The following ADAMTS9 variants were observed in gnomAD, a reference collection of about 807,000 sequenced individuals.
The protein encoded by ADAMTS9 is A disintegrin and metalloproteinase with thrombospondin motifs 9.
In ADAMTS9, 107 loss-of-function variants were observed where a neutral mutation model predicts 257.1. That is an observed-to-expected ratio of 0.42 (90% CI 0.36 to 0.49). The LOEUF (loss-of-function observed/expected upper bound fraction) is 0.49. Among genes scored for constraint, ADAMTS9 ranks in the 20% least tolerant of loss-of-function variants. ADAMTS9 has a pLI of 0.03. For synonymous variants in ADAMTS9, 982 were observed against 880.9 expected, an observed-to-expected ratio of 1.11 and a Z score of -2.03; for missense variants, 2,353 against 2,469.1, an observed-to-expected ratio of 0.95 and a Z score of 1.00.
At position 64,611,152 on chromosome 3, in the gene ADAMTS9, T is replaced by C. The variant is rs192611990; in HGVS notation, c.3354+2193A>G. ...CAGCAACTCCAATCCTAGATACACATCCAAAAGAAGTGAAGCCAGGTACTG... is the reference window on the plus strand; with the variant it reads ...CAGCAACTCCAATCCTAGATACACACCCAAAAGAAGTGAAGCCAGGTACTG... On this transcript the variant is annotated intron_variant, in intron 22 of 39. Coordinates refer to ENST00000498707, the MANE Select transcript of ADAMTS9 (RefSeq NM_182920.2). Among the ~76,000 whole-genome samples the C allele has an allele frequency of 5.6e-4, 80 of 143,494 alleles. No homozygotes were observed. In the Middle Eastern group the frequency reaches 0.015, roughly 27 times the overall value. 94.1% of individuals were successfully genotyped at this position (143,494 alleles called of 152,430 possible).
At chr3:64,518,156 G>C (rs2082804134) in intron 39 of ADAMTS9, among the ~76,000 whole-genome samples, 1 of 152,194 alleles carries the variant, frequency 6.6e-6, no homozygotes, top group African/African-American at 2.4e-5. Flanking sequence ...ACATTTAAGA[G>C]GCAATCATTG....
At chr3:64,628,449 G>A (rs2106882135) in intron 16 of ADAMTS9, among the ~76,000 whole-genome samples, 1 of 152,302 alleles carries the variant, frequency 6.6e-6, no homozygotes, top group South Asian at 2.1e-4. Context: ...TATAAAGCAG[G>A]CTGCATGCAA....
chr3:64,631,609 T>C, intron 15 of ADAMTS9, 59 bp from the exon 16 acceptor site: 7 of 1,456,046 alleles, frequency 4.8e-6, no homozygotes, highest in Non-Finnish European at 3.9e-6. Context: ...TCTCTAAGTA[T>C]GGAATAAAAA....
At chr3:64,525,066 C>A (rs975899430) in intron 38 of ADAMTS9, among the ~76,000 whole-genome samples, 2 of 152,212 alleles carry the variant, frequency 1.3e-5, no homozygotes, top group African/African-American at 4.8e-5. Flanking sequence ...GTAATTCTTT[C>A]TTTAACATCT....
At chr3:64,670,132 C>T (rs1353423129) in intron 3 of ADAMTS9, among the ~76,000 whole-genome samples, 1 of 84,578 alleles carries the variant, frequency 1.2e-5, no homozygotes, top group African/African-American at 6.8e-5. Context: ...ACCTCTGTCT[C>T]TGTCTCAGTC....
At chr3:64,626,532 G>C (rs775676763) in intron 16 of ADAMTS9, among the ~76,000 whole-genome samples, 7 of 152,158 alleles carry the variant, frequency 4.6e-5, no homozygotes, top group Non-Finnish European at 8.8e-5. Flanking sequence ...ACATTGGAGA[G>C]TACCAAAGGT....
At chr3:64,563,563 C>G (rs1408578850) in intron 29 of ADAMTS9, among the ~76,000 whole-genome samples, 1 of 152,080 alleles carries the variant, frequency 6.6e-6, no homozygotes, top group African/African-American at 2.4e-5. Context: ...CTTTTTGAAG[C>G]TATTGTAATT....
rs78186110 is a variant in ADAMTS9 at position 64,612,999 on chromosome 3, G to A, written c.3354+346C>T. The stretch of plus-strand genomic sequence containing the variant: ...CCTTCCTGCCAGAGACTCTGGTGCT[G>A]GATCACCTTCTGTAACAGACCCACA... On this transcript the variant is annotated intron_variant, in intron 22 of 39. Transcript: ENST00000498707. Among the ~76,000 whole-genome samples the A allele has an allele frequency of 1.6e-4, 24 of 152,220 alleles. No individual in the cohort carries two copies. The East Asian group carries it at 4.6e-3, about 29-fold the overall frequency.
intron 37 of ADAMTS9, among the ~76,000 whole-genome samples, chr3:64,534,520 C>A (rs1352974827): frequency 6.6e-6 from 1 of 152,210 alleles, no homozygotes; most frequent in Non-Finnish European, 1.5e-5. Flanking sequence ...TAACATACGA[C>A]TAGCCACTTA....
At chr3:64,657,842 A>C (rs1157822798) in intron 4 of ADAMTS9, among the ~76,000 whole-genome samples, 1 of 152,192 alleles carries the variant, frequency 6.6e-6, no homozygotes, top group Non-Finnish European at 1.5e-5. Context: ...AATGATACTT[A>C]GTTTTTAACA....
intron 38 of ADAMTS9, among the ~76,000 whole-genome samples, chr3:64,532,380 C>T (rs1162349441): frequency 2.0e-5 from 3 of 152,176 alleles, no homozygotes; most frequent in Non-Finnish European, 4.4e-5. Flanking sequence ...TGATTGAATA[C>T]TGTACTTAGT....
chr3:64,565,155 T>C (rs963157194), intron 29 of ADAMTS9, among the ~76,000 whole-genome samples: 11 of 152,220 alleles, frequency 7.2e-5, no homozygotes, highest in Middle Eastern at 3.2e-3. Flanking sequence ...ACCATGTGCA[T>C]ATGGCTTCCT....
At chr3:64,540,196 C>T (rs769778720) in intron 36 of ADAMTS9, among the ~76,000 whole-genome samples, 8 of 152,204 alleles carry the variant, frequency 5.3e-5, no homozygotes, top group Non-Finnish European at 8.8e-5. Flanking sequence ...ACTGCAGACC[C>T]TCTGCCTTTA....
chr3:64,529,166 A>G lies in ADAMTS9; in HGVS notation c.5718+4000T>C, dbSNP rs775380942. Reference sequence around the variant, plus strand: ...AGATTTAATGTATGTAAGCTGCCCAATAAATAGTAGCTATTTTAACCATAA... The same window carrying G: ...AGATTTAATGTATGTAAGCTGCCCAGTAAATAGTAGCTATTTTAACCATAA... On this transcript the variant is annotated intron_variant, in intron 38 of 39. Coordinates refer to ENST00000498707, the MANE Select transcript of ADAMTS9 (RefSeq NM_182920.2). Among the ~76,000 whole-genome samples the G allele has an allele frequency of 4.6e-4, 70 of 152,230 alleles. 1 individual carries two copies. The highest frequency in any genetic ancestry group is 6.8e-4 in the Non-Finnish European group (46 of 68,040).
intron 28 of ADAMTS9, chr3:64,588,926 T>C (rs1028899716): frequency 2.6e-5 from 4 of 152,240 alleles, no homozygotes; most frequent in African/African-American, 4.8e-5. Flanking sequence ...TAAATTCGTA[T>C]GTCATAACAC....
chr3:64,651,997 A>C (rs1700943115), intron 8 of ADAMTS9, among the ~76,000 whole-genome samples: 1 of 152,234 alleles, frequency 6.6e-6, no homozygotes, highest in South Asian at 2.1e-4. Context: ...TGGAAAAAAA[A>C]TAGGAAGTAT....
chr3:64,631,012 G>A (rs1253727602), intron 16 of ADAMTS9, among the ~76,000 whole-genome samples: 1 of 152,176 alleles, frequency 6.6e-6, no homozygotes, highest in African/African-American at 2.4e-5. Context: ...CAGGCATAAT[G>A]AAATACTGAA....
chr3:64,627,602 G>T (rs6445418), intron 16 of ADAMTS9, among the ~76,000 whole-genome samples: 2,346 of 152,022 alleles, frequency 0.015, 67 homozygotes, highest in African/African-American at 0.052. Context: ...TGACAGGAAG[G>T]CTTCCTGCTT....
intron 30 of ADAMTS9, among the ~76,000 whole-genome samples, chr3:64,557,412 A>G (rs1161778721): frequency 1.3e-5 from 2 of 152,200 alleles, no homozygotes; most frequent in Admixed American, 1.3e-4. Context: ...AATAATTCTC[A>G]AAAGAATTAA....
Sources: gnomAD v4.1 joint callset for allele counts (sites outside exome capture counted in the v4.1 genomes callset) on GRCh38, gnomAD v4.1.1 for gene constraint, MANE v1.5 for transcripts, NCBI Gene and HGNC (gene_info 2026-07-23, HGNC 2026-07-21) for gene names.